GCC2: variants seen among roughly 807,000 people sequenced by gnomAD.
GCC2 encodes GRIP and coiled-coil domain-containing protein 2.
Under a neutral mutation model 210.6 loss-of-function variants are expected in GCC2, and 120 were observed. The ratio of observed to expected loss-of-function variants is 0.57; its 90% CI spans 0.49 to 0.66. GCC2 has a LOEUF of 0.66. Among genes scored for constraint, GCC2 ranks in the 30% least tolerant of loss-of-function variants. GCC2 has a pLI of 0.00. For synonymous variants in GCC2, 703 were observed against 652.7 expected, an observed-to-expected ratio of 1.08 and a Z score of -1.17; for missense variants, 1,868 against 1,871.9, an observed-to-expected ratio of 1.00 and a Z score of 0.04.
At chr2:108,506,860 G>A (rs192824532) in intron 22 of GCC2, among the ~76,000 whole-genome samples, 23 of 151,202 alleles carry the variant, frequency 1.5e-4, no homozygotes, top group African/African-American at 5.7e-4. Context: ...GTGAGAAGAT[G>A]GTATTTCAGA....
At chr2:108,500,251 A>C (rs1363359899) in intron 22 of GCC2, among the ~76,000 whole-genome samples, 10 of 152,204 alleles carry the variant, frequency 6.6e-5, no homozygotes, top group Non-Finnish European at 1.3e-4. Flanking sequence ...CCGGTGGTTC[A>C]CGCCTATAAT....
In GCC2 at chr2:108,484,223, G is replaced by T. The variant is rs142777791; in HGVS notation, c.3525G>T (p.Lys1175Asn). ...GTTTGATGAAAGAACTAAATCAAAA[G>T]TTAACTAATAAAAACAACAAGATAG... The part of the protein sequence containing the change: ...YERLMKELNQ[K>N]LTNKNNKIED... The change falls in exon 13 of 23, where the codon AAG (lysine) becomes AAT (asparagine). Residue 1175 changes from lysine (K) to asparagine (N), a missense_variant. Physicochemically the swap from Lys to Asn is moderately conservative, Grantham distance 94. Transcript: ENST00000309863. The T allele has an allele frequency of 6.3e-7, 1 of 1,584,126 alleles. No individual in the cohort carries two copies. The highest frequency in any genetic ancestry group is 8.6e-7 in the Non-Finnish European group (1 of 1,164,020).
Position 108,508,519 on chromosome 2 carries a change from T to C in GCC2, c.*889T>C, listed in dbSNP as rs1396204325. ...TTCCAGGCTCTTGATAGGGTGTCAC[T>C]GCATGCAAGCCATGAATCTGTTTTG... On this transcript the variant is annotated 3_prime_UTR_variant, in exon 23 of 23. Coordinates refer to ENST00000309863, the MANE Select transcript of GCC2 (RefSeq NM_181453.4). The C allele has an allele frequency of 1.4e-5, 2 of 138,076 alleles. No individual in the cohort carries two copies. Among genetic ancestry groups the C allele is most frequent in the African/African-American group, 2.7e-5 (1 of 36,402 alleles). 8.6% of individuals were successfully genotyped at this position (138,076 alleles called of 1,614,324 possible).
chr2:108,461,894 C>A (rs1457890613), intron 4 of GCC2, among the ~76,000 whole-genome samples: 1 of 131,840 alleles, frequency 7.6e-6, no homozygotes, highest in African/African-American at 3.0e-5. Flanking sequence ...ACTGCAGTGG[C>A]CTATCTCGGC....
chr2:108,470,107 G>C lies in GCC2; in HGVS notation c.778G>C (p.Glu260Gln). The C allele has an allele frequency of 6.2e-7, 1 of 1,613,752 alleles. No homozygotes were observed. Among genetic ancestry groups the C allele is most frequent in the Non-Finnish European group, 8.5e-7 (1 of 1,179,818 alleles). The change falls in exon 6 of 23, where the codon GAA becomes CAA. Residue 260 changes from glutamate to glutamine, a missense_variant. Glu to Gln is a conservative substitution (Grantham distance 29). Around this residue, in one of 3 missense-constraint regions of GCC2, gnomAD observed 1,847 missense variants for 1,765.2 expected, o/e 1.05. Coordinates refer to ENST00000309863, the MANE Select transcript of GCC2 (RefSeq NM_181453.4). The part of the protein sequence containing the change: ...EEVKELMCQI[E>Q]ASAKEHEAEI... Reference sequence around the variant, plus strand: ...GGTGAAAGAGTTGATGTGCCAGATTGAAGCATCAGCTAAGGAACATGAAGC... The same window carrying C: ...GGTGAAAGAGTTGATGTGCCAGATTCAAGCATCAGCTAAGGAACATGAAGC...
intron 1 of GCC2, 95 bp from the exon 2 acceptor site, chr2:108,449,538 T>C: frequency 1.5e-6 from 2 of 1,350,406 alleles, no homozygotes. Context: ...ACCACTTGAT[T>C]CCATAGAAGG....
chr2:108,481,209 A>T (rs1681834734), intron 9 of GCC2, among the ~76,000 whole-genome samples: 1 of 152,244 alleles, frequency 6.6e-6, no homozygotes, highest in South Asian at 2.1e-4. Flanking sequence ...GTGTCACTGC[A>T]GAGTGTGAGA....
At chr2:108,472,723 G>T (rs1248185900) in intron 6 of GCC2, 104 bp from the exon 7 acceptor site, 1 of 697,070 alleles carries the variant, frequency 1.4e-6, no homozygotes, top group East Asian at 2.7e-5. Flanking sequence ...CTCTTTGATA[G>T]TGATTTTCTT....
rs569137853 is a variant in GCC2, at chr2:108,489,950, C to A, written c.4165C>A (p.Leu1389Met). Reference protein sequence around the residue: ...LQTLQSEHDTLLERHNKMLQE... With the variant: ...LQTLQSEHDTMLERHNKMLQE... ...AACATTGCAGTCTGAACATGATACA[C>A]TGCTAGAAAGGCACAACAAGATGCT... Residue 1389 changes from leucine to methionine, a missense_variant, in exon 18 of 23, where the codon CTG becomes ATG. This residue lies in a region of GCC2 where 1,847 missense variants were observed against 1,765.2 expected (regional missense o/e 1.05). Coordinates refer to ENST00000309863, the MANE Select transcript of GCC2 (RefSeq NM_181453.4). 8 of 1,612,018 alleles carry A rather than the reference C, an allele frequency of 5.0e-6. No homozygotes were observed. In the South Asian group the frequency reaches 8.8e-5, roughly 18 times the overall value.
In GCC2 at chr2:108,451,844, T is replaced by C. The variant is rs1017247031; in HGVS notation, c.149-555T>C. Reference sequence around the variant, plus strand: ...CGTTTCTTTTCTCTCTCTCTCTCTTTTTTTTTTTTTTTTTTCAAGACGGAG... The same window carrying C: ...CGTTTCTTTTCTCTCTCTCTCTCTTCTTTTTTTTTTTTTTTCAAGACGGAG... On this transcript the variant is annotated intron_variant, in intron 3 of 22. Transcript: ENST00000309863. Among the ~76,000 whole-genome samples the C allele has an allele frequency of 2.4e-4, 36 of 148,174 alleles. No homozygotes were observed. The South Asian group carries it at 4.3e-3, about 18-fold the overall frequency.
intron 12 of GCC2, 116 bp downstream of exon 12, chr2:108,483,282 G>C: frequency 1.6e-6 from 1 of 611,414 alleles, no homozygotes; most frequent in Non-Finnish European, 2.9e-6. Flanking sequence ...GGAGTGCAGT[G>C]GCATGATCTC....
At chr2:108,487,592 TTTCTCA>T in intron 16 of GCC2, 101 bp from the exon 17 acceptor site, 1 of 1,005,772 alleles carries the variant, frequency 9.9e-7, no homozygotes, top group East Asian at 2.6e-5. Flanking sequence ...GTCAGCCATT[TTTCTCA>T]TTTTCAAAAA....
chr2:108,506,799 A>G (rs1683211388), intron 22 of GCC2, among the ~76,000 whole-genome samples: 1 of 152,180 alleles, frequency 6.6e-6, no homozygotes, highest in South Asian at 2.1e-4. Flanking sequence ...TAATGGAGAA[A>G]GACAAATAAT....
Position 108,469,880 on chromosome 2 carries a change from A to G in GCC2, c.551A>G (p.Gln184Arg). The G allele has an allele frequency of 6.2e-7, 1 of 1,613,184 alleles. No homozygotes were observed. The highest frequency in any genetic ancestry group is 8.5e-7 in the Non-Finnish European group (1 of 1,179,566). Residue 184 changes from glutamine (Q) to arginine (R), a missense_variant, in exon 6 of 23, where the codon CAA becomes CGA. Gln to Arg is a conservative substitution (Grantham distance 43, BLOSUM62 1). Around this residue, in one of 3 missense-constraint regions of GCC2, gnomAD observed 1,847 missense variants for 1,765.2 expected, o/e 1.05. Transcript: ENST00000309863. ...TCTGAAGATAATGTTAAAAAACTAC[A>G]AGAAGAGATTGAGAAAATTAGGCCA... ...NNSEDNVKKL[Q>R]EEIEKIRPGF...
chr2:108,458,163 G>A (rs1417993137), intron 4 of GCC2, among the ~76,000 whole-genome samples: 2 of 152,130 alleles, frequency 1.3e-5, no homozygotes, highest in African/African-American at 2.4e-5. Context: ...CTTTTTCTGC[G>A]TCTAGTGAGA....
chr2:108,455,167 C>T (rs1158262399), intron 4 of GCC2, among the ~76,000 whole-genome samples: 2 of 152,152 alleles, frequency 1.3e-5, no homozygotes, highest in South Asian at 2.1e-4. Flanking sequence ...CAGCCAGGCT[C>T]GGTGGCTCAC....
chr2:108,486,701 G>A (rs1474249337), intron 16 of GCC2, 53 bp downstream of exon 16: 7 of 1,553,366 alleles, frequency 4.5e-6, no homozygotes, highest in Non-Finnish European at 6.1e-6. Context: ...TTATCAGCTA[G>A]TCATTGGTTT....
In GCC2 at chr2:108,490,010, GA is replaced by G; in HGVS notation, c.4229del (p.Lys1410AsnfsTer10). 6.3e-7 allele frequency: 1 copy of G among 1,599,730 alleles called. No homozygotes were observed. Among genetic ancestry groups the G allele is most frequent in the Non-Finnish European group, 8.5e-7 (1 of 1,174,638 alleles). The part of the protein sequence containing the change: ...ETVSKEAELR[E>X]KLCSIQSENM... ...TGTGTCCAAAGAGGCGGAACTCCGGGAAAAGTAAGACTGTTAGCAGCACTAA... is the reference window on the plus strand; with the variant it reads ...TGTGTCCAAAGAGGCGGAACTCCGGGAAAGTAAGACTGTTAGCAGCACTAA... On this transcript the variant is annotated frameshift_variant, in exon 18 of 23. Transcript: ENST00000309863. LOFTEE classifies it high-confidence loss of function.
intron 19 of GCC2, chr2:108,494,090 T>C (rs1682528685): frequency 1.9e-6 from 1 of 519,466 alleles, no homozygotes; most frequent in Non-Finnish European, 2.5e-6. Flanking sequence ...CTTTACAGTT[T>C]AGACCAGGCG....
Sources: allele counts gnomAD v4.1 joint callset (sites outside exome capture counted in the v4.1 genomes callset), GRCh38; gene constraint gnomAD v4.1.1; regional missense constraint gnomAD v4.1.1; transcripts MANE v1.5; gene names NCBI Gene and HGNC (gene_info 2026-07-23, HGNC 2026-07-21).